Variants in TMEM167A observed in about 807,000 individuals in gnomAD.
TMEM167A encodes the protein protein kish-A.
TMEM167A carries 8 observed loss-of-function variants against 11.6 expected under a neutral mutation model. The observed-to-expected ratio is 0.69, with a 90% CI of 0.40 to 1.24. The LOEUF is 1.24. TMEM167A is among the 50% of genes most tolerant of loss of function. The pLI is 0.01. For synonymous variants in TMEM167A, 22 were observed against 28.0 expected, an observed-to-expected ratio of 0.79 and a Z score of 0.67; for missense variants, 62 against 87.0, an observed-to-expected ratio of 0.71 and a Z score of 1.14.
At chr5:83,061,362 G>A (rs1224016887) in intron 3 of TMEM167A, among the ~76,000 whole-genome samples, 1 of 152,126 alleles carries the variant, frequency 6.6e-6, no homozygotes, top group Non-Finnish European at 1.5e-5. Flanking sequence ...ATCTAAATTA[G>A]AAAGATTTTC....
intron 1 of TMEM167A, among the ~76,000 whole-genome samples, chr5:83,073,761 A>C (rs564868314): frequency 1.3e-5 from 2 of 152,322 alleles, no homozygotes; most frequent in East Asian, 3.9e-4. Flanking sequence ...TTGGGAATGG[A>C]GTTTCTTCCT....
rs898630799 is a variant in TMEM167A at position 83,061,783 on chromosome 5, T to C, written c.148+94A>G. The C allele has an allele frequency of 2.4e-6, 3 of 1,250,448 alleles. No individual in the cohort carries two copies. The African/African-American group carries it at 4.5e-5, about 19-fold the overall frequency. 77.5% of individuals were successfully genotyped at this position (1,250,448 alleles called of 1,614,324 possible). On this transcript the variant is annotated intron_variant, in intron 3 of 3. Transcript: ENST00000502346. ...TGCATAAAATTGGGAAGCCTGCCCT[T>C]TAAAAATTAACATTTGACTTGTGAG...
intron 1 of TMEM167A, among the ~76,000 whole-genome samples, chr5:83,069,640 C>A (rs1403906082): frequency 1.3e-5 from 2 of 151,958 alleles, no homozygotes; most frequent in Non-Finnish European, 2.9e-5. Flanking sequence ...CTCACTATAC[C>A]AAGCAGAGTC....
At chr5:83,062,399 T>TATTTACTTATCTGTGTC (rs1451524276) in intron 2 of TMEM167A, among the ~76,000 whole-genome samples, 2 of 152,164 alleles carry the variant, frequency 1.3e-5, no homozygotes, top group Admixed American at 1.3e-4. Context: ...CCAATGATGG[T>TATTTACTTATCTGTGTC]ATTTACTTAT....
intron 3 of TMEM167A, among the ~76,000 whole-genome samples, chr5:83,058,043 G>A (rs886555721): frequency 6.6e-6 from 1 of 152,108 alleles, no homozygotes; most frequent in Non-Finnish European, 1.5e-5. Flanking sequence ...TCCTGGGTAT[G>A]TGCCTGGCAT....
chr5:83,073,498 C>A (rs1167305409), intron 1 of TMEM167A, among the ~76,000 whole-genome samples: 1 of 152,216 alleles, frequency 6.6e-6, no homozygotes, highest in Non-Finnish European at 1.5e-5. Flanking sequence ...GTTATACATC[C>A]ACTTAAGAAA....
At position 83,064,968 on chromosome 5, in the gene TMEM167A, AAG is replaced by A. The variant is rs141148600; in HGVS notation, c.113+38_113+39del. 1.0e-2 allele frequency: 11,716 copies of A among 1,175,594 alleles called. 779 individuals are homozygous for A. The African/African-American group carries it at 0.16, about 16-fold the overall frequency. The allele number at this position is 1,175,594 out of a possible 1,614,324, so 72.8% of individuals were successfully genotyped here. A position where few individuals can be genotyped will look rare whatever the true frequency, so the allele number is the denominator to read the frequency against. On this transcript the variant is annotated intron_variant, in intron 2 of 3. Coordinates refer to ENST00000502346, the MANE Select transcript of TMEM167A (RefSeq NM_174909.5). ...ATGTTAACTTACATTGAACATTTGT[AAG>A]AACTAATTTGGGTGATTAGACATCA...
At chr5:83,064,814 C>A (rs1744458749) in intron 2 of TMEM167A, among the ~76,000 whole-genome samples, 194 bp downstream of exon 2, 1 of 152,112 alleles carries the variant, frequency 6.6e-6, no homozygotes, top group Non-Finnish European at 1.5e-5. Context: ...TAGGTCACTT[C>A]TGAAATTTAC....
intron 1 of TMEM167A, among the ~76,000 whole-genome samples, chr5:83,071,080 G>T (rs1744552581): frequency 6.6e-6 from 1 of 152,112 alleles, no homozygotes; most frequent in African/African-American, 2.4e-5. Context: ...TTAATGACTG[G>T]TTATTAAGCA....
At position 83,054,683 on chromosome 5, in the gene TMEM167A, G is replaced by C. The variant is rs1174375008; in HGVS notation, c.*2401C>G. 6.6e-6 allele frequency: 1 copy of C among 152,004 alleles called. No individual in the cohort carries two copies. Among genetic ancestry groups the C allele is most frequent in the African/African-American group, 2.4e-5 (1 of 41,414 alleles). 9.4% of individuals were successfully genotyped at this position (152,004 alleles called of 1,614,324 possible). On this transcript the variant is annotated 3_prime_UTR_variant, in exon 4 of 4. Coordinates refer to ENST00000502346, the MANE Select transcript of TMEM167A (RefSeq NM_174909.5). ...GAACAACAGACACTGGGGCCTACTTGAGGGTGGAGGGTGGGAGGAGGGAGA... is the reference window on the plus strand; with the variant it reads ...GAACAACAGACACTGGGGCCTACTTCAGGGTGGAGGGTGGGAGGAGGGAGA...
intron 1 of TMEM167A, among the ~76,000 whole-genome samples, chr5:83,072,188 T>C (rs1162491378): frequency 6.6e-6 from 1 of 152,104 alleles, no homozygotes; most frequent in Non-Finnish European, 1.5e-5. Context: ...AGCTATTTTA[T>C]ATAAACCTCA....
Position 83,071,963 on chromosome 5 carries a change from T to G in TMEM167A, c.3+5358A>C, listed in dbSNP as rs181346695. The stretch of plus-strand genomic sequence containing the variant: ...TGTGGGGGCTGGATTAAACAACCAT[T>G]TGTTCTCACCAGTCATATTTTAAAA... On this transcript the variant is annotated intron_variant, in intron 1 of 3. Coordinates refer to ENST00000502346, the MANE Select transcript of TMEM167A (RefSeq NM_174909.5). 5.2e-3 allele frequency among the ~76,000 whole-genome samples: 793 copies of G among 152,290 alleles called. 8 individuals are homozygous for G. Among genetic ancestry groups the G allele is most frequent in the African/African-American group, 0.018 (742 of 41,550 alleles).
chr5:83,057,070 G>A lies in TMEM167A; in HGVS notation c.*14C>T, dbSNP rs761745654. On this transcript the variant is annotated 3_prime_UTR_variant, in exon 4 of 4. Coordinates refer to ENST00000502346, the MANE Select transcript of TMEM167A (RefSeq NM_174909.5). Reference sequence around the variant, plus strand: ...TCAAATCTGATGGCAACTACATTCTGGCATTTTCCCCAGCTACTGTATGAA... The same window carrying A: ...TCAAATCTGATGGCAACTACATTCTAGCATTTTCCCCAGCTACTGTATGAA... The A allele has an allele frequency of 3.1e-6, 5 of 1,609,282 alleles. No individual in the cohort carries two copies. In the East Asian group the frequency reaches 1.1e-4, roughly 36 times the overall value.
rs143965873 is a variant in TMEM167A at position 83,060,814 on chromosome 5, C to T, written c.148+1063G>A. ...CCACTGCACTCCAGCCTGGGCAACACTGCAAGACTCCATCTCCAAAAAAAA... is the reference window on the plus strand; with the variant it reads ...CCACTGCACTCCAGCCTGGGCAACATTGCAAGACTCCATCTCCAAAAAAAA... On this transcript the variant is annotated intron_variant, in intron 3 of 3. Coordinates refer to ENST00000502346, the MANE Select transcript of TMEM167A (RefSeq NM_174909.5). Among the ~76,000 whole-genome samples the T allele has an allele frequency of 7.3e-3, 1,080 of 147,430 alleles. 10 individuals are homozygous for T. Among genetic ancestry groups the T allele is most frequent in the African/African-American group, 0.025 (1,005 of 40,598 alleles).
intron 1 of TMEM167A, among the ~76,000 whole-genome samples, chr5:83,076,622 G>C (rs17284169): frequency 0.02 from 2,992 of 152,286 alleles, 35 homozygotes; most frequent in Non-Finnish European, 0.031. Flanking sequence ...AAGCTTTTTG[G>C]AGTCATAGTT....
intron 3 of TMEM167A, among the ~76,000 whole-genome samples, chr5:83,060,240 T>A (rs1744388594): frequency 6.6e-6 from 1 of 151,856 alleles, no homozygotes; most frequent in Non-Finnish European, 1.5e-5. Context: ...TTAAAAGGGA[T>A]TAGTTGAGAG....
rs967309293 is a variant in TMEM167A, at chr5:83,052,940, A to G, written c.*4144T>C. 1.3e-5 allele frequency: 2 copies of G among 151,950 alleles called. No homozygotes were observed. Among genetic ancestry groups the G allele is most frequent in the African/African-American group, 2.4e-5 (1 of 41,406 alleles). The allele number at this position is 151,950 out of a possible 1,614,324, so 9.4% of individuals were successfully genotyped here. A position where few individuals can be genotyped will look rare whatever the true frequency, so the allele number is the denominator to read the frequency against. The stretch of plus-strand genomic sequence containing the variant: ...CTGTACTCTTAAAATCACAGGAAAT[A>G]TAATTCCACCTCCCCCTTTTTTTCT... On this transcript the variant is annotated 3_prime_UTR_variant, in exon 4 of 4. Coordinates refer to ENST00000502346, the MANE Select transcript of TMEM167A (RefSeq NM_174909.5).
Position 83,061,858 on chromosome 5 carries a change from G to A in TMEM167A, c.148+19C>T. 4 of 1,603,622 alleles carry A rather than the reference G, an allele frequency of 2.5e-6. No individual in the cohort carries two copies. Among genetic ancestry groups the A allele is most frequent in the Non-Finnish European group, 3.4e-6 (4 of 1,170,960 alleles). ...ACAATTTACAGCTGAAGAAATGGAG[G>A]GAGATTATAGACACTTACCAATTCT... On this transcript the variant is annotated intron_variant, in intron 3 of 3. Coordinates refer to ENST00000502346, the MANE Select transcript of TMEM167A (RefSeq NM_174909.5).
intron 3 of TMEM167A, among the ~76,000 whole-genome samples, 161 bp downstream of exon 3, chr5:83,061,716 T>C (rs1744409595): frequency 6.6e-6 from 1 of 152,156 alleles, no homozygotes. Flanking sequence ...TTAAATAGCA[T>C]AAGGAAAAGA....
Sources: allele counts gnomAD v4.1 joint callset (sites outside exome capture counted in the v4.1 genomes callset), GRCh38; gene constraint gnomAD v4.1.1; transcripts MANE v1.5; gene names NCBI Gene and HGNC (gene_info 2026-07-23, HGNC 2026-07-21).